The following SETBP1 variants were observed in gnomAD, a reference collection of about 807,000 sequenced individuals.
SETBP1 encodes SET-binding protein.
A neutral mutation model predicts 101.0 loss-of-function variants in SETBP1; 9 were observed. The observed-to-expected ratio is 0.09, with a 90% CI of 0.05 to 0.16. SETBP1 has a LOEUF of 0.16. Among genes scored for constraint, SETBP1 ranks in the 10% least tolerant of loss-of-function variants. SETBP1 has a pLI of 1.00. For missense variants in SETBP1, 1,858 were observed against 2,033.8 expected (o/e 0.91, Z 1.66); for synonymous variants, 818 against 788.5 (o/e 1.04, Z -0.63).
chr18:44,844,077 C>A (rs1045166285), intron 2 of SETBP1, among the ~76,000 whole-genome samples: 1 of 152,092 alleles, frequency 6.6e-6, no homozygotes, highest in Non-Finnish European at 1.5e-5. Context: ...AAAATGGGAT[C>A]TATTCTTTGC....
chr18:44,847,476 C>T (rs1010725776), intron 2 of SETBP1, among the ~76,000 whole-genome samples: 1 of 152,220 alleles, frequency 6.6e-6, no homozygotes, highest in South Asian at 2.1e-4. Flanking sequence ...AGTGGCTGAG[C>T]ATCCAAACTT....
At chr18:44,813,297 G>A (rs1375339603) in intron 2 of SETBP1, among the ~76,000 whole-genome samples, 1 of 152,148 alleles carries the variant, frequency 6.6e-6, no homozygotes, top group African/African-American at 2.4e-5. Context: ...CATGGCAGAA[G>A]ATATAAAAAC....
chr18:44,861,781 T>A (rs1027382057), intron 2 of SETBP1, among the ~76,000 whole-genome samples: 7 of 152,200 alleles, frequency 4.6e-5, no homozygotes, highest in Admixed American at 4.6e-4. Flanking sequence ...GATTTACCTA[T>A]GTAAACTTCT....
In SETBP1 at chr18:45,063,835, C is replaced by A; in HGVS notation, c.*137C>A. The A allele has an allele frequency of 1.0e-6, 1 of 984,048 alleles. No homozygotes were observed. The highest frequency in any genetic ancestry group is 1.5e-6 in the Non-Finnish European group (1 of 671,860). 61.0% of individuals were successfully genotyped at this position (984,048 alleles called of 1,614,324 possible). On this transcript the variant is annotated 3_prime_UTR_variant, in exon 6 of 6. Coordinates refer to ENST00000649279, the MANE Select transcript of SETBP1 (RefSeq NM_015559.3). The stretch of plus-strand genomic sequence containing the variant: ...CAGAAGCCGGGCAGGCAGAATCCGG[C>A]CAGACGACGGGGCTGAGCCATCAGG...
chr18:45,034,028 C>G (rs2073347882), intron 4 of SETBP1, among the ~76,000 whole-genome samples: 1 of 152,160 alleles, frequency 6.6e-6, no homozygotes, highest in African/African-American at 2.4e-5. Flanking sequence ...CATACAGCTT[C>G]TCTAAGGTGA....
At chr18:44,790,305 G>C (rs1375588003) in intron 2 of SETBP1, among the ~76,000 whole-genome samples, 6 of 151,824 alleles carry the variant, frequency 4.0e-5, no homozygotes, top group African/African-American at 1.5e-4. Flanking sequence ...TTCTCTGCTG[G>C]GTACCTTGAA....
At chr18:45,035,833 C>A (rs1218574823) in intron 4 of SETBP1, among the ~76,000 whole-genome samples, 2 of 152,120 alleles carry the variant, frequency 1.3e-5, no homozygotes, top group African/African-American at 4.8e-5. Context: ...CATGGTGGTG[C>A]AGTGTACCAA....
In SETBP1 at chr18:44,793,214, G is replaced by GT. The variant is rs200943415; in HGVS notation, c.487-76009dup. 9.6e-4 allele frequency among the ~76,000 whole-genome samples: 146 copies of GT among 152,278 alleles called. 2 individuals carry two copies. The East Asian group carries it at 0.024, about 25-fold the overall frequency. Reference sequence around the variant, plus strand: ...GCCGTCATTGGTCTGCTGAACCTCAGTTTTTTTATCTATAAAATGAGGCAG... The same window carrying GT: ...GCCGTCATTGGTCTGCTGAACCTCAGTTTTTTTTATCTATAAAATGAGGCAG... On this transcript the variant is annotated intron_variant, in intron 2 of 5. Coordinates refer to ENST00000649279, the MANE Select transcript of SETBP1 (RefSeq NM_015559.3).
chr18:44,839,878 G>A (rs1325830181), intron 2 of SETBP1, among the ~76,000 whole-genome samples: 1 of 152,230 alleles, frequency 6.6e-6, no homozygotes, highest in Non-Finnish European at 1.5e-5. Flanking sequence ...AGAGGGATGT[G>A]ATTGCACCTC....
intron 4 of SETBP1, among the ~76,000 whole-genome samples, chr18:45,021,357 A>C (rs1389752653): frequency 1.3e-5 from 2 of 152,194 alleles, no homozygotes; most frequent in African/African-American, 4.8e-5. Context: ...TTAGGAACTG[A>C]CATTAATCCC....
intron 3 of SETBP1, among the ~76,000 whole-genome samples, chr18:44,885,605 T>G (rs1475639398): frequency 6.6e-6 from 1 of 152,064 alleles, no homozygotes; most frequent in East Asian, 1.9e-4. Flanking sequence ...CTAATCCATG[T>G]GGCATTGACT....
At chr18:45,048,305 A>C (rs2073652417) in intron 5 of SETBP1, among the ~76,000 whole-genome samples, 1 of 152,252 alleles carries the variant, frequency 6.6e-6, no homozygotes, top group African/African-American at 2.4e-5. Context: ...GGAGCAAGAA[A>C]GAAATGAAAT....
chr18:44,853,791 AG>A (rs1253551826), intron 2 of SETBP1, among the ~76,000 whole-genome samples: 2 of 152,294 alleles, frequency 1.3e-5, no homozygotes, highest in East Asian at 3.9e-4. Context: ...TATAAACTGC[AG>A]GGGCTCTTCC....
intron 3 of SETBP1, among the ~76,000 whole-genome samples, chr18:44,911,723 C>A (rs1431582228): frequency 6.6e-6 from 1 of 152,202 alleles, no homozygotes; most frequent in Non-Finnish European, 1.5e-5. Flanking sequence ...TGAAATCGTT[C>A]ATCAGAAAGG....
intron 1 of SETBP1, among the ~76,000 whole-genome samples, chr18:44,685,339 A>G (rs1337151081): frequency 6.6e-6 from 1 of 152,242 alleles, no homozygotes; most frequent in Non-Finnish European, 1.5e-5. Flanking sequence ...CTTTTCAAAA[A>G]TATCTTTATA....
chr18:44,959,270 G>C (rs2071559926), intron 4 of SETBP1, among the ~76,000 whole-genome samples: 1 of 152,140 alleles, frequency 6.6e-6, no homozygotes, highest in African/African-American at 2.4e-5. Flanking sequence ...GCCTTTGGAA[G>C]GCTGTCACTG....
At chr18:44,934,127 T>C (rs933530467) in intron 3 of SETBP1, among the ~76,000 whole-genome samples, 2 of 151,806 alleles carry the variant, frequency 1.3e-5, no homozygotes, top group Non-Finnish European at 2.9e-5. Flanking sequence ...CCCCATCAGG[T>C]AGGTGCTGTT....
intron 3 of SETBP1, among the ~76,000 whole-genome samples, chr18:44,898,624 A>G (rs1960928230): frequency 6.6e-6 from 1 of 152,290 alleles, no homozygotes; most frequent in South Asian, 2.1e-4. Context: ...CCCTTCTCCC[A>G]GTCTTCATGA....
At chr18:44,769,247 A>G (rs1490224485) in intron 2 of SETBP1, among the ~76,000 whole-genome samples, 1 of 152,204 alleles carries the variant, frequency 6.6e-6, no homozygotes, top group East Asian at 1.9e-4. Flanking sequence ...TTACGTCTTG[A>G]TGCCATTTTT....
Sources: gnomAD v4.1 joint callset for allele counts (sites outside exome capture counted in the v4.1 genomes callset) on GRCh38, gnomAD v4.1.1 for gene constraint, MANE v1.5 for transcripts, NCBI Gene and HGNC (gene_info 2026-07-23, HGNC 2026-07-21) for gene names.